The following SMC3 variants were observed in gnomAD, a reference collection of about 807,000 sequenced individuals.
SMC3 encodes the protein structural maintenance of chromosomes 3.
SMC3 carries 20 observed loss-of-function variants against 171.8 expected under a neutral mutation model. That is an observed-to-expected ratio of 0.12 (90% CI 0.08 to 0.17). SMC3 has a LOEUF of 0.17. SMC3 is among the 10% of genes least tolerant of loss of function. The probability of loss-of-function intolerance (pLI) is 1.00; values close to 1 mark genes in which losing one functional copy is unlikely to be tolerated. For synonymous variants in SMC3, 464 were observed against 451.1 expected (o/e 1.03, Z -0.36); for missense variants, 543 against 1,420.4 (o/e 0.38, Z 9.93).
chr10:110,577,362 C>A, intron 4 of SMC3, 59 bp from the exon 5 acceptor site: 1 of 1,292,014 alleles, frequency 7.7e-7, no homozygotes, highest in Non-Finnish European at 1.1e-6. Context: ...TTTAAGAATC[C>A]TTTAAAGGAT....
chr10:110,602,417 T>C (rs950543195), intron 25 of SMC3, 57 bp from the exon 26 acceptor site: 14 of 1,363,828 alleles, frequency 1.0e-5, no homozygotes, highest in Non-Finnish European at 1.4e-5. Context: ...ATATTTTACT[T>C]AAGTGTTATA....
chr10:110,595,667 A>G (rs1861288297), intron 18 of SMC3, among the ~76,000 whole-genome samples: 1 of 152,104 alleles, frequency 6.6e-6, no homozygotes, highest in African/African-American at 2.4e-5. Flanking sequence ...TTGCTGCTGC[A>G]TTTATTAGCT....
Position 110,605,863 on chromosome 10 carries a change from T to C in SMC3, c.*1561T>C, listed in dbSNP as rs1223561911. On this transcript the variant is annotated 3_prime_UTR_variant, in exon 29 of 29. Coordinates refer to ENST00000361804, the MANE Select transcript of SMC3 (RefSeq NM_005445.4). Reference sequence around the variant, plus strand: ...TACGATTTGTAGAGTTGCTCTGATATGACCAACCCCTTATAATACAGAATT... The same window carrying C: ...TACGATTTGTAGAGTTGCTCTGATACGACCAACCCCTTATAATACAGAATT... Among the ~76,000 whole-genome samples, 1 of 152,230 alleles carries C rather than the reference T, an allele frequency of 6.6e-6. No homozygotes were observed. The highest frequency in any genetic ancestry group is 1.5e-5 in the Non-Finnish European group (1 of 68,042).
Position 110,580,906 on chromosome 10 carries a change from C to T in SMC3, c.432C>T (p.Ile144=), listed in dbSNP as rs903749379. The T allele has an allele frequency of 6.4e-7, 1 of 1,568,998 alleles. No individual in the cohort carries two copies. The highest frequency in any genetic ancestry group is 1.1e-5 in the South Asian group (1 of 90,230). Residue 144 remains isoleucine, a splice_region_variant and synonymous_variant, in exon 8 of 29, where the codon ATC becomes ATT. Coordinates refer to ENST00000361804, the MANE Select transcript of SMC3 (RefSeq NM_005445.4). The part of the protein sequence containing the change: ...NPYYIVKQGK[I]NQMATAPDSQ... ...GATTATTTTTCTAAAAATTTTAGATCAACCAGATGGCAACAGCACCAGATT... is the reference window on the plus strand; with the variant it reads ...GATTATTTTTCTAAAAATTTTAGATTAACCAGATGGCAACAGCACCAGATT...
intron 13 of SMC3, among the ~76,000 whole-genome samples, chr10:110,585,011 T>C (rs978141214): frequency 6.6e-6 from 1 of 152,146 alleles, no homozygotes; most frequent in African/African-American, 2.4e-5. Flanking sequence ...AAATAGCTTG[T>C]TGGTAACTTT....
At chr10:110,569,696 T>G (rs1289665374) in intron 2 of SMC3, among the ~76,000 whole-genome samples, 1 of 152,172 alleles carries the variant, frequency 6.6e-6, no homozygotes, top group Admixed American at 6.5e-5. Flanking sequence ...GTTTTCTCAT[T>G]TGTAAAGTGG....
At chr10:110,585,080 T>C (rs1193384358) in intron 13 of SMC3, among the ~76,000 whole-genome samples, 1 of 152,008 alleles carries the variant, frequency 6.6e-6, no homozygotes, top group East Asian at 1.9e-4. Context: ...TGGCGCAATT[T>C]CGGCTCACTG....
chr10:110,601,599 T>C (rs1861388170), intron 23 of SMC3, 38 bp from the exon 24 acceptor site: 1 of 1,594,410 alleles, frequency 6.3e-7, no homozygotes, highest in Non-Finnish European at 8.5e-7. Flanking sequence ...ACTGGCTTTA[T>C]AGGTATTATA....
chr10:110,594,621 G>T (rs1384987221), intron 18 of SMC3, among the ~76,000 whole-genome samples: 1 of 151,988 alleles, frequency 6.6e-6, no homozygotes, highest in South Asian at 2.1e-4. Context: ...TTGAAATCCA[G>T]GTTAAGAACC....
At chr10:110,597,395 G>A (rs938843675) in intron 19 of SMC3, among the ~76,000 whole-genome samples, 7 of 152,096 alleles carry the variant, frequency 4.6e-5, no homozygotes, top group African/African-American at 1.7e-4. Context: ...AGTACTTTAT[G>A]TGTGCTTTCC....
At chr10:110,583,035 G>C (rs1056139054) in intron 10 of SMC3, among the ~76,000 whole-genome samples, 2 of 150,136 alleles carry the variant, frequency 1.3e-5, no homozygotes, top group Non-Finnish European at 2.9e-5. Context: ...AAGCTCAAGT[G>C]ATCCTCCCAC....
chr10:110,593,916 A>T (rs1427629079), intron 18 of SMC3, among the ~76,000 whole-genome samples: 1 of 152,106 alleles, frequency 6.6e-6, no homozygotes, highest in Non-Finnish European at 1.5e-5. Flanking sequence ...TAAACCTGGG[A>T]GGCAGAGGGT....
At chr10:110,600,625 C>G (rs1029338725) in intron 22 of SMC3, 79 bp downstream of exon 22, 18 of 792,964 alleles carry the variant, frequency 2.3e-5, no homozygotes, top group South Asian at 1.4e-5. Flanking sequence ...ATCAGAGGCT[C>G]TGATTGAAAG....
At chr10:110,588,978 G>C (rs1297947465) in intron 13 of SMC3, among the ~76,000 whole-genome samples, 1 of 152,068 alleles carries the variant, frequency 6.6e-6, no homozygotes, top group Non-Finnish European at 1.5e-5. Context: ...GTATATTATA[G>C]AAATAGGAAG....
chr10:110,578,611 T>G lies in SMC3; in HGVS notation c.351-17T>G. The G allele has an allele frequency of 1.3e-6, 2 of 1,588,918 alleles. No homozygotes were observed. The highest frequency in any genetic ancestry group is 1.7e-6 in the Non-Finnish European group (2 of 1,161,984). On this transcript the variant is annotated splice_polypyrimidine_tract_variant and intron_variant, in intron 6 of 28. Coordinates refer to ENST00000361804, the MANE Select transcript of SMC3 (RefSeq NM_005445.4). ...TAAAATTATTTATCGGAAAGTAATTTCATTGTTTGTCAACAGGAAAAATGA... is the reference window on the plus strand; with the variant it reads ...TAAAATTATTTATCGGAAAGTAATTGCATTGTTTGTCAACAGGAAAAATGA...
chr10:110,600,938 T>C (rs775721933), intron 22 of SMC3, 84 bp from the exon 23 acceptor site: 14 of 999,064 alleles, frequency 1.4e-5, no homozygotes, highest in Non-Finnish European at 2.2e-5. Flanking sequence ...TTTGTTTTCT[T>C]GAATGTTTAT....
chr10:110,577,235 C>T (rs1860965390), intron 4 of SMC3, among the ~76,000 whole-genome samples, 186 bp from the exon 5 acceptor site: 1 of 151,934 alleles, frequency 6.6e-6, no homozygotes, highest in South Asian at 2.1e-4. Context: ...GGGATATCCC[C>T]AAAGTATGTA....
intron 4 of SMC3, 65 bp downstream of exon 4, chr10:110,575,468 TG>T: frequency 1.7e-6 from 2 of 1,188,852 alleles, no homozygotes; most frequent in South Asian, 1.3e-5. Flanking sequence ...TTTTCCATGC[TG>T]GTTAAAAAAG....
intron 24 of SMC3, 25 bp from the exon 25 acceptor site, chr10:110,601,941 A>G (rs375368415): frequency 2.3e-5 from 37 of 1,608,074 alleles, no homozygotes; most frequent in Admixed American, 3.3e-5. Context: ...ATTTATTTAT[A>G]TGAATACATA....
Sources: allele counts gnomAD v4.1 joint callset (sites outside exome capture counted in the v4.1 genomes callset), GRCh38; gene constraint gnomAD v4.1.1; transcripts MANE v1.5; gene names NCBI Gene and HGNC (gene_info 2026-07-23, HGNC 2026-07-21).